CCDC138: variants seen among roughly 807,000 people sequenced by gnomAD.
CCDC138 encodes coiled-coil domain-containing protein 138.
A neutral mutation model predicts 82.3 loss-of-function variants in CCDC138; 66 were observed. That is an observed-to-expected ratio of 0.80 (90% CI 0.66 to 0.98). The LOEUF (loss-of-function observed/expected upper bound fraction) is 0.98. Ranked by LOEUF, CCDC138 falls within the 50% of genes least tolerant of loss-of-function variation. The pLI, the probability that CCDC138 is intolerant of heterozygous loss-of-function variation, is 0.00. For missense variants in CCDC138, 816 were observed against 758.9 expected, an observed-to-expected ratio of 1.08 and a Z score of -0.88; for synonymous variants, 297 against 265.4, an observed-to-expected ratio of 1.12 and a Z score of -1.16.
At chr2:108,875,352 T>C (rs77173991) in intron 14 of CCDC138, among the ~76,000 whole-genome samples, 8,323 of 148,368 alleles carry the variant, frequency 0.056, 356 homozygotes, top group South Asian at 0.14. Flanking sequence ...AAATTCTTAA[T>C]GATTGAAATG....
Position 108,790,975 on chromosome 2 carries a change from T to C in CCDC138, c.267-700T>C, listed in dbSNP as rs1203151330. 2.0e-5 allele frequency among the ~76,000 whole-genome samples: 3 copies of C among 152,254 alleles called. No homozygotes were observed. The East Asian group carries it at 5.8e-4, about 29-fold the overall frequency. ...CAGAGTCTCACTGTGTTGTCCAGGC[T>C]GATCTTGAACTCCTGGGCTCAAGAG... On this transcript the variant is annotated intron_variant, in intron 3 of 14. Coordinates refer to ENST00000295124, the MANE Select transcript of CCDC138 (RefSeq NM_144978.3).
chr2:108,786,793 C>T lies in CCDC138; in HGVS notation c.-30C>T, dbSNP rs373787363. On this transcript the variant is annotated 5_prime_UTR_variant, in exon 1 of 15. Transcript: ENST00000295124. Reference sequence around the variant, plus strand: ...GCCGCGGGTTTGATGAACGCGGTTCCCGGGGAGACTGGTACGGTTGCTGTG... The same window carrying T: ...GCCGCGGGTTTGATGAACGCGGTTCTCGGGGAGACTGGTACGGTTGCTGTG... The T allele has an allele frequency of 1.5e-5, 23 of 1,563,796 alleles. No individual in the cohort carries two copies. The highest frequency in any genetic ancestry group is 6.8e-5 in the African/African-American group (5 of 73,744).
rs761784183 is a variant in CCDC138 at position 108,873,502 on chromosome 2, C to G, written c.1745C>G (p.Thr582Ser). The G allele has an allele frequency of 1.2e-6, 2 of 1,609,616 alleles. No individual in the cohort carries two copies. The highest frequency in any genetic ancestry group is 2.2e-5 in the East Asian group (1 of 44,776). The change falls in exon 14 of 15, where the codon ACT becomes AGT. Residue 582 changes from threonine (T) to serine (S), a missense_variant. Coordinates refer to ENST00000295124, the MANE Select transcript of CCDC138 (RefSeq NM_144978.3). ...TGTAGCAACTCTTTATTTTTTCGTA[C>G]TTGCTCTGTGCTGCTTCGAGCCCCT... ...EACSNSLFFR[T>S]CSVLLRAPKL...
At chr2:108,826,653 T>G (rs1686654671) in intron 10 of CCDC138, among the ~76,000 whole-genome samples, 2 of 152,214 alleles carry the variant, frequency 1.3e-5, no homozygotes, top group African/African-American at 4.8e-5. Flanking sequence ...TTCATTACTG[T>G]AGCTTTGTAG....
At chr2:108,881,235 A>T (rs1195503830), downstream of CCDC138, among the ~76,000 whole-genome samples, 1 of 152,210 alleles carries the variant, frequency 6.6e-6, no homozygotes, top group Non-Finnish European at 1.5e-5. Context: ...TGTTGCTTCA[A>T]CTTGCACTTT....
chr2:108,871,581 A>C (rs955729295), intron 13 of CCDC138, among the ~76,000 whole-genome samples: 4 of 152,056 alleles, frequency 2.6e-5, no homozygotes, highest in Non-Finnish European at 5.9e-5. Context: ...TTCTGTTAAA[A>C]AAGCAAGATA....
chr2:108,867,614 A>G (rs1694617572), intron 13 of CCDC138, among the ~76,000 whole-genome samples: 1 of 152,220 alleles, frequency 6.6e-6, no homozygotes, highest in South Asian at 2.1e-4. Flanking sequence ...CCTCCTTCCA[A>G]AAAGGAATGA....
chr2:108,816,424 C>G (rs1684818875), intron 10 of CCDC138, among the ~76,000 whole-genome samples: 1 of 152,098 alleles, frequency 6.6e-6, no homozygotes, highest in African/African-American at 2.4e-5. Flanking sequence ...GCACTCCAGC[C>G]TGGGCAACAG....
Position 108,852,314 on chromosome 2 carries a change from T to A in CCDC138, c.1517-4480T>A, listed in dbSNP as rs181972443. Among the ~76,000 whole-genome samples, 25 of 152,312 alleles carry A rather than the reference T, an allele frequency of 1.6e-4. No homozygotes were observed. The East Asian group carries it at 4.8e-3, about 29-fold the overall frequency. On this transcript the variant is annotated intron_variant, in intron 12 of 14. Transcript: ENST00000295124. ...TGTACACTGTTTGTGGGAGTGTAAA[T>A]TAGTTCAGCCATTGTGGAAGACAGT...
At chr2:108,861,472 C>CTTTTTTTTTTTTTTTT (rs201132350) in intron 13 of CCDC138, among the ~76,000 whole-genome samples, 10 of 123,520 alleles carry the variant, frequency 8.1e-5, no homozygotes, top group East Asian at 6.6e-4. Flanking sequence ...AACTTTCTTC[C>CTTTTTTTTTTTTTTTT]TTTTTTTTTT....
At chr2:108,834,914 ATTTC>A (rs2150345670) in intron 10 of CCDC138, among the ~76,000 whole-genome samples, 1 of 152,320 alleles carries the variant, frequency 6.6e-6, no homozygotes, top group Admixed American at 6.5e-5. Flanking sequence ...TTCTCTTGAT[ATTTC>A]TTTTTGTATA....
At chr2:108,851,906 A>G (rs1258629664) in intron 12 of CCDC138, among the ~76,000 whole-genome samples, 2 of 152,210 alleles carry the variant, frequency 1.3e-5, no homozygotes, top group Non-Finnish European at 1.5e-5. Flanking sequence ...CATATTAGTG[A>G]TGAGGTTTAC....
intron 10 of CCDC138, among the ~76,000 whole-genome samples, chr2:108,831,734 TTCCG>T (rs1199045817): frequency 2.0e-5 from 3 of 151,858 alleles, no homozygotes; most frequent in Non-Finnish European, 4.4e-5. Flanking sequence ...CCTTCCTTCC[TTCCG>T]TCCTTCCTGT....
At chr2:108,809,394 A>G (rs1167022034) in intron 7 of CCDC138, among the ~76,000 whole-genome samples, 3 of 151,864 alleles carry the variant, frequency 2.0e-5, no homozygotes, top group Non-Finnish European at 4.4e-5. Context: ...GAATCTGTAG[A>G]TGACTTTGGT....
chr2:108,793,757 C>T (rs1312718386), intron 4 of CCDC138, among the ~76,000 whole-genome samples: 6 of 151,866 alleles, frequency 4.0e-5, no homozygotes, highest in Non-Finnish European at 5.9e-5. Flanking sequence ...CCATCACGCC[C>T]GGCTAATTTT....
intron 13 of CCDC138, among the ~76,000 whole-genome samples, chr2:108,870,007 A>G (rs1028096499): frequency 6.6e-6 from 1 of 152,246 alleles, no homozygotes; most frequent in African/African-American, 2.4e-5. Flanking sequence ...TAAAACAACT[A>G]TCTTAAATAT....
At chr2:108,846,168 A>G (rs1051967382) in intron 11 of CCDC138, among the ~76,000 whole-genome samples, 1 of 152,136 alleles carries the variant, frequency 6.6e-6, no homozygotes, top group East Asian at 1.9e-4. Flanking sequence ...GCAATCAGCA[A>G]CTGAGAGAGT....
chr2:108,792,951 T>C lies in CCDC138; in HGVS notation c.394+1149T>C, dbSNP rs186209923. Among the ~76,000 whole-genome samples the C allele has an allele frequency of 2.5e-4, 37 of 150,316 alleles. 1 individual carries two copies. The East Asian group carries it at 7.0e-3, about 28-fold the overall frequency. On this transcript the variant is annotated intron_variant, in intron 4 of 14. Transcript: ENST00000295124. ...TGGTAGCACGTGCCTGTAGTCCCAG[T>C]TACTCGGGAGGCTGAGGCAGGAGAA...
rs1292094429 is a variant in CCDC138, at chr2:108,794,593, G to T, written c.448G>T (p.Asp150Tyr). ...GAGACCTCGGACTGAGTGTTGTAGT[G>T]ATGCAGGTGACTCTCCTTTGAAACC... is the stretch of plus-strand genomic sequence containing the variant. ...SSRPRTECCS[D>Y]AGDSPLKPVS... The change falls in exon 5 of 15, where the codon GAT (aspartate) becomes TAT (tyrosine). Residue 150 changes from aspartate (D) to tyrosine (Y), a missense_variant. Coordinates refer to ENST00000295124, the MANE Select transcript of CCDC138 (RefSeq NM_144978.3). The T allele has an allele frequency of 1.9e-6, 3 of 1,613,960 alleles. No individual in the cohort carries two copies. In the African/African-American group the frequency reaches 4.0e-5, roughly 22 times the overall value.
Sources: allele counts gnomAD v4.1 joint callset (sites outside exome capture counted in the v4.1 genomes callset), GRCh38; gene constraint gnomAD v4.1.1; transcripts MANE v1.5; gene names NCBI Gene and HGNC (gene_info 2026-07-23, HGNC 2026-07-21).